RANBP2: variants seen among roughly 807,000 people sequenced by gnomAD.
RANBP2 encodes RAN binding protein 2, also known as E3 SUMO-protein ligase RanBP2.
A neutral mutation model predicts 303.6 loss-of-function variants in RANBP2; 57 were observed. The observed-to-expected ratio is 0.19, with a 90% CI of 0.15 to 0.23. RANBP2 has a LOEUF of 0.23. Among genes scored for constraint, RANBP2 ranks in the 10% least tolerant of loss-of-function variants. RANBP2 has a pLI of 1.00. For missense variants in RANBP2, 3,138 were observed against 3,780.8 expected, an observed-to-expected ratio of 0.83 and a Z score of 4.46; for synonymous variants, 1,167 against 1,301.5, an observed-to-expected ratio of 0.90 and a Z score of 2.23.
the RANBP2 span, among the ~76,000 whole-genome samples, chr2:108,870,464 T>G: frequency 6.6e-6 from 1 of 152,058 alleles, no homozygotes; most frequent in African/African-American, 2.4e-5. Flanking sequence ...AGCTGAAAAC[T>G]TATCAAATTT....
chr2:108,863,271 C>G, the RANBP2 span, among the ~76,000 whole-genome samples: 3 of 152,224 alleles, frequency 2.0e-5, no homozygotes, highest in East Asian at 1.9e-4. Context: ...TAACAAAGCA[C>G]CAACCTAATC....
the RANBP2 span, among the ~76,000 whole-genome samples, chr2:109,508,908 C>T: frequency 2.6e-5 from 4 of 152,354 alleles, no homozygotes; most frequent in African/African-American, 9.6e-5. Context: ...AGCAAAGGCG[C>T]TACAAGCCCG....
At chr2:109,645,565 A>G in the RANBP2 span, among the ~76,000 whole-genome samples, 102 of 152,340 alleles carry the variant, frequency 6.7e-4, 1 homozygote, top group Non-Finnish European at 9.8e-4. Flanking sequence ...CTGTACCTGC[A>G]AGCTCAGGCT....
At chr2:108,858,589 G>T in the RANBP2 span, among the ~76,000 whole-genome samples, 1 of 152,150 alleles carries the variant, frequency 6.6e-6, no homozygotes, top group Non-Finnish European at 1.5e-5. Context: ...AGCGAGGAAA[G>T]ATTGATCAAA....
chr2:109,016,081 G>GTTTGT, the RANBP2 span, among the ~76,000 whole-genome samples: 41,067 of 151,478 alleles, frequency 0.27, 6,109 homozygotes, highest in Middle Eastern at 0.37. Context: ...TGGTTTTTTT[G>GTTTGT]TTTGTTTTGT....
chr2:108,777,893 G>A (rs575735885), intron 25 of RANBP2, among the ~76,000 whole-genome samples: 1 of 152,212 alleles, frequency 6.6e-6, no homozygotes, highest in East Asian at 1.9e-4. Flanking sequence ...TTGAGGATAT[G>A]TGCTTAAATG....
At chr2:108,809,737 G>A in the RANBP2 span, among the ~76,000 whole-genome samples, 19 of 151,912 alleles carry the variant, frequency 1.3e-4, no homozygotes, top group Non-Finnish European at 2.8e-4. Flanking sequence ...GGAGTCTTTC[G>A]GTTTCTTTGC....
At chr2:109,413,406 C>T in the RANBP2 span, among the ~76,000 whole-genome samples, 1 of 152,118 alleles carries the variant, frequency 6.6e-6, no homozygotes, top group South Asian at 2.1e-4. Flanking sequence ...GAGCCACCAC[C>T]CCAGGCCTGT....
chr2:109,539,686 C>A, the RANBP2 span, among the ~76,000 whole-genome samples: 1 of 152,140 alleles, frequency 6.6e-6, no homozygotes, highest in Non-Finnish European at 1.5e-5. Flanking sequence ...TCAGGTGATC[C>A]GCCCACCTTG....
intron 20 of RANBP2, among the ~76,000 whole-genome samples, chr2:108,770,312 C>T (rs780617387): frequency 3.9e-5 from 6 of 152,174 alleles, no homozygotes; most frequent in East Asian, 1.9e-4. Flanking sequence ...CTGTATCTTA[C>T]GGTGTACTGT....
the RANBP2 span, among the ~76,000 whole-genome samples, chr2:109,530,291 C>T: frequency 6.6e-6 from 1 of 152,234 alleles, no homozygotes; most frequent in East Asian, 1.9e-4. Context: ...CAGGCAGTCA[C>T]GGCGACGTTT....
chr2:109,453,411 A>G, the RANBP2 span, among the ~76,000 whole-genome samples: 3 of 152,200 alleles, frequency 2.0e-5, no homozygotes, highest in African/African-American at 7.2e-5. Context: ...CAACCATGGA[A>G]CACTGCCTAT....
the RANBP2 span, among the ~76,000 whole-genome samples, chr2:109,046,048 T>C: frequency 2.0e-5 from 3 of 152,148 alleles, no homozygotes; most frequent in Non-Finnish European, 1.5e-5. Context: ...CTCACACCTG[T>C]AATCCCAGCA....
chr2:108,887,691 A>G, the RANBP2 span, among the ~76,000 whole-genome samples: 1 of 152,200 alleles, frequency 6.6e-6, no homozygotes, highest in South Asian at 2.1e-4. Flanking sequence ...CACTATGGGT[A>G]TAGAAATGCT....
chr2:108,812,609 T>C, the RANBP2 span: 8 of 1,578,696 alleles, frequency 5.1e-6, no homozygotes, highest in Non-Finnish European at 7.0e-6. Flanking sequence ...TATTGAAATA[T>C]CTAACTTTTT....
chr2:108,852,720 A>G, the RANBP2 span, among the ~76,000 whole-genome samples: 10 of 152,134 alleles, frequency 6.6e-5, no homozygotes, highest in Admixed American at 2.0e-4. Flanking sequence ...ATGGATACAT[A>G]AGGGGAACAA....
the RANBP2 span, among the ~76,000 whole-genome samples, chr2:109,228,923 T>G: frequency 6.6e-6 from 1 of 152,134 alleles, no homozygotes; most frequent in African/African-American, 2.4e-5. Flanking sequence ...CTTTGGAGGA[T>G]GGGGTATGGA....
At chr2:109,490,146 C>T in the RANBP2 span, among the ~76,000 whole-genome samples, 1 of 152,212 alleles carries the variant, frequency 6.6e-6, no homozygotes, top group Non-Finnish European at 1.5e-5. Context: ...CACCCTTCTA[C>T]CCATCTTACA....
rs1416707594 is a variant in RANBP2, at chr2:108,768,262, A to G, written c.7723A>G (p.Lys2575Glu). 14 of 1,611,898 alleles carry G rather than the reference A, an allele frequency of 8.7e-6. No individual in the cohort carries two copies. Among genetic ancestry groups the G allele is most frequent in the Non-Finnish European group, 1.0e-5 (12 of 1,179,862 alleles). The change falls in exon 20 of 29, where the codon AAA (lysine) becomes GAA (glutamate). Residue 2575 changes from lysine to glutamate, a missense_variant. This residue lies in a region of RANBP2 where 497 missense variants were observed against 465.8 expected (regional missense o/e 1.07). Coordinates refer to ENST00000283195, the MANE Select transcript of RANBP2 (RefSeq NM_006267.5). The stretch of plus-strand genomic sequence containing the variant: ...TGGATCTGAAAGCAAAGTGGAACCT[A>G]AAAAATGTGAACTGTCAAAGAACTC... ...QSGSESKVEP[K>E]KCELSKNSDI...
Sources: allele counts gnomAD v4.1 joint callset (sites outside exome capture counted in the v4.1 genomes callset), GRCh38; gene constraint gnomAD v4.1.1; regional missense constraint gnomAD v4.1.1; transcripts MANE v1.5; gene names NCBI Gene and HGNC (gene_info 2026-07-23, HGNC 2026-07-21).